Variants in SLC27A2 observed in about 807,000 individuals in gnomAD.
SLC27A2 encodes long-chain fatty acid transport protein 2.
In SLC27A2, 54 loss-of-function variants were observed where a neutral mutation model predicts 60.0. That is an observed-to-expected ratio of 0.90 (90% confidence interval 0.72 to 1.13). The LOEUF is 1.13. Ranked by LOEUF, SLC27A2 falls within the 50% of genes most tolerant of loss-of-function variation. The probability of loss-of-function intolerance (pLI) is 0.00; values close to 1 mark genes in which losing one functional copy is unlikely to be tolerated. For missense variants in SLC27A2, 739 were observed against 777.6 expected (o/e 0.95, Z 0.59); for synonymous variants, 297 against 297.6 (o/e 1.00, Z 0.02).
intron 3 of SLC27A2, among the ~76,000 whole-genome samples, chr15:50,204,026 C>A (rs576252717): frequency 3.3e-5 from 5 of 151,146 alleles, no homozygotes; most frequent in Admixed American, 3.3e-4. Flanking sequence ...CACACACATA[C>A]ACACACACAC....
chr15:50,182,466 G>A lies in SLC27A2; in HGVS notation c.39G>A (p.Leu13=), dbSNP rs1291867153. 1.9e-6 allele frequency: 3 copies of A among 1,606,754 alleles called. No individual in the cohort carries two copies. The highest frequency in any genetic ancestry group is 1.1e-5 in the South Asian group (1 of 89,932). ...TCTACACAGTCCTGGCGGGACTGCT[G>A]TTCCTGCCGCTCCTGGTGAACCTCT... The part of the protein sequence containing the change: ...SAIYTVLAGL[L]FLPLLVNLCC... Residue 13 remains leucine (L), a synonymous_variant, in exon 1 of 10, where the codon CTG becomes CTA. Coordinates refer to ENST00000267842, the MANE Select transcript of SLC27A2 (RefSeq NM_003645.4).
At chr15:50,208,839 AAAGGCC>A (rs1367404771) in intron 4 of SLC27A2, among the ~76,000 whole-genome samples, 8 of 152,346 alleles carry the variant, frequency 5.3e-5, no homozygotes, top group African/African-American at 1.7e-4. Flanking sequence ...GTTTGTAATG[AAAGGCC>A]ATTCTGATTC....
chr15:50,208,159 G>A (rs1374165186), intron 4 of SLC27A2, among the ~76,000 whole-genome samples: 1 of 152,168 alleles, frequency 6.6e-6, no homozygotes, highest in Non-Finnish European at 1.5e-5. Context: ...CCCATCCACA[G>A]ACATATATGG....
In SLC27A2 at chr15:50,234,064, A is replaced by G. The variant is rs973489759; in HGVS notation, c.1686+66A>G. ...GGAGATTCCTACCACTTAGGGAACA[A>G]CTCGCCTTCTCCCAGGATGACTACA... On this transcript the variant is annotated intron_variant, in intron 9 of 9. Transcript: ENST00000267842. The G allele has an allele frequency of 4.9e-5, 70 of 1,431,800 alleles. No individual in the cohort carries two copies. In the East Asian group the frequency reaches 7.2e-4, roughly 15 times the overall value. The allele number at this position is 1,431,800 out of a possible 1,614,324, so 88.7% of individuals were successfully genotyped here. A position where few individuals can be genotyped will look rare whatever the true frequency, so the allele number is the denominator to read the frequency against.
intron 3 of SLC27A2, among the ~76,000 whole-genome samples, chr15:50,204,619 G>A (rs926294813): frequency 6.6e-6 from 1 of 151,792 alleles, no homozygotes; most frequent in African/African-American, 2.4e-5. Context: ...TGTAATCCCA[G>A]CTACTCAGGA....
chr15:50,208,403 G>A (rs1317437392), intron 4 of SLC27A2, among the ~76,000 whole-genome samples: 1 of 152,156 alleles, frequency 6.6e-6, no homozygotes, highest in Non-Finnish European at 1.5e-5. Flanking sequence ...CATTGGAGCA[G>A]GATAGTTAAC....
chr15:50,218,496 T>G (rs1486893784), intron 4 of SLC27A2, among the ~76,000 whole-genome samples: 1 of 152,020 alleles, frequency 6.6e-6, no homozygotes, highest in East Asian at 1.9e-4. Context: ...AAAAAGAAAT[T>G]GTGCCATGAT....
intron 1 of SLC27A2, 58 bp downstream of exon 1, chr15:50,182,963 G>A (rs1350989417): frequency 2.0e-6 from 3 of 1,522,010 alleles, no homozygotes; most frequent in East Asian, 2.3e-5. Flanking sequence ...CTTGACTGAC[G>A]AGCCACAGCG....
intron 4 of SLC27A2, among the ~76,000 whole-genome samples, chr15:50,214,782 T>G (rs1158403866): frequency 6.6e-6 from 1 of 152,080 alleles, no homozygotes; most frequent in Admixed American, 6.6e-5. Context: ...TGATTAAAAC[T>G]CTCAGCAAAA....
chr15:50,190,375 G>A (rs879006033), intron 1 of SLC27A2, among the ~76,000 whole-genome samples: 2 of 151,996 alleles, frequency 1.3e-5, no homozygotes, highest in Admixed American at 1.3e-4. Flanking sequence ...CTTCCTTTTG[G>A]ACCTTACCTT....
At chr15:50,224,291 T>C (rs1405192898) in intron 5 of SLC27A2, among the ~76,000 whole-genome samples, 1 of 151,976 alleles carries the variant, frequency 6.6e-6, no homozygotes, top group Non-Finnish European at 1.5e-5. Context: ...ATAAAAAAAA[T>C]TAGCCGGGCA....
Position 50,182,461 on chromosome 15 carries a change from C to A in SLC27A2, c.34C>A (p.Leu12Met). 6.2e-7 allele frequency: 1 copy of A among 1,606,920 alleles called. No homozygotes were observed. The highest frequency in any genetic ancestry group is 1.1e-5 in the South Asian group (1 of 89,954). ...CGCCATCTACACAGTCCTGGCGGGA[C>A]TGCTGTTCCTGCCGCTCCTGGTGAA... Reference protein sequence around the residue: ...LSAIYTVLAGLLFLPLLVNLC... With the variant: ...LSAIYTVLAGMLFLPLLVNLC... Residue 12 changes from leucine to methionine, a missense_variant, in exon 1 of 10, where the codon CTG becomes ATG. By Grantham distance (15) the Leu-to-Met change is conservative (BLOSUM62 2). Transcript: ENST00000267842.
At chr15:50,214,419 A>C (rs1454250514) in intron 4 of SLC27A2, among the ~76,000 whole-genome samples, 1 of 152,144 alleles carries the variant, frequency 6.6e-6, no homozygotes, top group Non-Finnish European at 1.5e-5. Context: ...AATTCTTTTG[A>C]CACTATTCCA....
At chr15:50,203,048 C>T (rs1377713170) in intron 3 of SLC27A2, among the ~76,000 whole-genome samples, 4 of 150,270 alleles carry the variant, frequency 2.7e-5, no homozygotes, top group African/African-American at 4.9e-5. Flanking sequence ...TATAGCCAGG[C>T]ATGGTGGCTC....
chr15:50,235,717 A>G (rs8029462), intron 9 of SLC27A2, among the ~76,000 whole-genome samples: 24,472 of 152,232 alleles, frequency 0.16, 2,093 homozygotes, highest in African/African-American at 0.21. Context: ...CATATTGTAC[A>G]TGAGAAAAAC....
At chr15:50,186,681 C>T (rs28419107) in intron 1 of SLC27A2, among the ~76,000 whole-genome samples, 5,341 of 152,298 alleles carry the variant, frequency 0.035, 120 homozygotes, top group African/African-American at 0.065. Flanking sequence ...TCGTGATCCA[C>T]CTGCCTCGTC....
In SLC27A2 at chr15:50,226,960, T is replaced by C. The variant is rs2045282624; in HGVS notation, c.1259-20T>C. Reference sequence around the variant, plus strand: ...TTTGACCTCTAGCACATAAAATAAGTTTACTTTCTTCTGTCTTAGGTGAAG... The same window carrying C: ...TTTGACCTCTAGCACATAAAATAAGCTTACTTTCTTCTGTCTTAGGTGAAG... On this transcript the variant is annotated intron_variant, in intron 6 of 9. Coordinates refer to ENST00000267842, the MANE Select transcript of SLC27A2 (RefSeq NM_003645.4). 6.2e-7 allele frequency: 1 copy of C among 1,602,562 alleles called. No individual in the cohort carries two copies. Among genetic ancestry groups the C allele is most frequent in the Middle Eastern group, 1.7e-4 (1 of 6,014 alleles).
rs1363638067 is a variant in SLC27A2, at chr15:50,236,351, A to AGT, written c.*255_*256insGT. On this transcript the variant is annotated 3_prime_UTR_variant, in exon 10 of 10. Transcript: ENST00000267842. Reference sequence around the variant, plus strand: ...TTGGAGGGAAGGCATTATTTTTTAAAATACTTAGTAAATTAAATGAACACC... The same window carrying AGT: ...TTGGAGGGAAGGCATTATTTTTTAAAGTATACTTAGTAAATTAAATGAACACC... 2.2e-4 allele frequency: 76 copies of AGT among 342,490 alleles called. No individual in the cohort carries two copies. The highest frequency in any genetic ancestry group is 3.4e-4 in the Non-Finnish European group (65 of 191,774). The allele number at this position is 342,490 out of a possible 1,614,324, so 21.2% of individuals were successfully genotyped here. A position where few individuals can be genotyped will look rare whatever the true frequency, so the allele number is the denominator to read the frequency against.
At chr15:50,191,164 T>G (rs775263468) in intron 1 of SLC27A2, 2 of 152,260 alleles carry the variant, frequency 1.3e-5, no homozygotes, top group Non-Finnish European at 2.9e-5. Context: ...AGAGTTGTTA[T>G]GAAAATTATG....
Sources: gnomAD v4.1 joint callset for allele counts (sites outside exome capture counted in the v4.1 genomes callset) on GRCh38, gnomAD v4.1.1 for gene constraint, MANE v1.5 for transcripts, NCBI Gene and HGNC (gene_info 2026-07-23, HGNC 2026-07-21) for gene names.